ENTHD1: variants seen among roughly 807,000 people sequenced by gnomAD.
ENTHD1 encodes ENTH domain-containing protein 1.
A neutral mutation model predicts 39.1 loss-of-function variants in ENTHD1; 23 were observed. The observed-to-expected ratio is 0.59, with a 90% CI of 0.42 to 0.83. ENTHD1 has a LOEUF of 0.83. Among genes scored for constraint, ENTHD1 ranks in the 40% least tolerant of loss-of-function variants. The pLI, the probability that ENTHD1 is intolerant of heterozygous loss-of-function variation, is 0.00. For synonymous variants in ENTHD1, 230 were observed against 258.2 expected, an observed-to-expected ratio of 0.89 and a Z score of 1.05; for missense variants, 624 against 705.4, an observed-to-expected ratio of 0.88 and a Z score of 1.31.
intron 5 of ENTHD1, among the ~76,000 whole-genome samples, chr22:39,806,089 C>CG (rs2065638298): frequency 6.6e-6 from 1 of 152,138 alleles, no homozygotes. Context: ...TCTAGAAACT[C>CG]GGGGGAAATC....
intron 5 of ENTHD1, among the ~76,000 whole-genome samples, chr22:39,788,110 A>G (rs2065474214): frequency 1.3e-5 from 2 of 152,164 alleles, no homozygotes; most frequent in Admixed American, 6.5e-5. Flanking sequence ...CCATGGATCA[A>G]AAAGTCATTT....
chr22:39,875,326 G>T, intron 2 of ENTHD1: 1 of 1,321,606 alleles, frequency 7.6e-7, no homozygotes, highest in South Asian at 2.2e-5. Flanking sequence ...GCCCGTTCGC[G>T]CCCGTCCTGT....
At chr22:39,836,556 G>A (rs547382856) in intron 3 of ENTHD1, among the ~76,000 whole-genome samples, 2 of 152,206 alleles carry the variant, frequency 1.3e-5, no homozygotes, top group South Asian at 4.1e-4. Context: ...TGTTCTAAGA[G>A]AAACTAATCA....
At chr22:39,876,292 T>C (rs1404241458) in intron 2 of ENTHD1, among the ~76,000 whole-genome samples, 1 of 152,244 alleles carries the variant, frequency 6.6e-6, no homozygotes, top group Non-Finnish European at 1.5e-5. Context: ...AGGCATTCAC[T>C]TAATAAAGCC....
chr22:39,755,684 A>G (rs530516773), intron 6 of ENTHD1, among the ~76,000 whole-genome samples: 1 of 152,272 alleles, frequency 6.6e-6, no homozygotes, highest in African/African-American at 2.4e-5. Context: ...GAGGATTTTG[A>G]GGGTTAGGAT....
At chr22:39,879,555 A>T (rs771605549) in intron 2 of ENTHD1, among the ~76,000 whole-genome samples, 6 of 151,090 alleles carry the variant, frequency 4.0e-5, no homozygotes, top group Non-Finnish European at 8.9e-5. Flanking sequence ...AGACATGCAC[A>T]CTAAAATAAC....
chr22:39,828,444 T>C (rs376819742), intron 4 of ENTHD1, among the ~76,000 whole-genome samples: 1 of 152,206 alleles, frequency 6.6e-6, no homozygotes, highest in Non-Finnish European at 1.5e-5. Flanking sequence ...CTAACAACTT[T>C]GGTGAGATCA....
intron 5 of ENTHD1, among the ~76,000 whole-genome samples, chr22:39,771,070 T>G (rs1157442432): frequency 5.3e-5 from 8 of 152,214 alleles, no homozygotes; most frequent in Admixed American, 5.2e-4. Context: ...AGATTAGGTG[T>G]GCTTAAGCTG....
intron 3 of ENTHD1, among the ~76,000 whole-genome samples, chr22:39,837,898 T>C (rs1322155504): frequency 6.6e-6 from 1 of 152,242 alleles, no homozygotes. Context: ...CATCTGTTTA[T>C]ACATTTATTT....
intron 6 of ENTHD1, among the ~76,000 whole-genome samples, chr22:39,760,876 T>A (rs2146548638): frequency 6.6e-6 from 1 of 152,242 alleles, no homozygotes; most frequent in East Asian, 1.9e-4. Flanking sequence ...TTCAATGGTA[T>A]AATTCCATGA....
In ENTHD1 at chr22:39,863,527, A is replaced by G. The variant is rs563666689; in HGVS notation, c.350-1520T>C. Among the ~76,000 whole-genome samples, 13 of 152,308 alleles carry G rather than the reference A, an allele frequency of 8.5e-5. No individual in the cohort carries two copies. In the South Asian group the frequency reaches 2.1e-3, roughly 24 times the overall value. On this transcript the variant is annotated intron_variant, in intron 2 of 6. Coordinates refer to ENST00000325157, the MANE Select transcript of ENTHD1 (RefSeq NM_152512.4). ...AGTATCTGTATGGTTGAATTCCCAG[A>G]TACAAAGGTACACTGTAACCTATAA...
chr22:39,881,142 T>C (rs1300494705), intron 2 of ENTHD1, among the ~76,000 whole-genome samples: 2 of 152,208 alleles, frequency 1.3e-5, no homozygotes, highest in Non-Finnish European at 2.9e-5. Context: ...TTAGCAAATA[T>C]AGAACAAATT....
intron 6 of ENTHD1, among the ~76,000 whole-genome samples, chr22:39,756,287 GTCTCTCTCTC>G (rs769318998): frequency 1.0e-4 from 15 of 144,426 alleles, no homozygotes; most frequent in Admixed American, 2.7e-4. Flanking sequence ...CAATGTCTCT[GTCTCTCTCTC>G]TCTCTCTCTC....
intron 2 of ENTHD1, among the ~76,000 whole-genome samples, chr22:39,864,823 C>G (rs1231185598): frequency 5.3e-5 from 8 of 152,146 alleles, no homozygotes; most frequent in African/African-American, 1.7e-4. Flanking sequence ...ACCCAGGAGG[C>G]AGAGGTTGCA....
chr22:39,761,742 A>G (rs935918335), intron 6 of ENTHD1, among the ~76,000 whole-genome samples: 1 of 151,396 alleles, frequency 6.6e-6, no homozygotes, highest in Admixed American at 6.6e-5. Flanking sequence ...TTTCATTTCA[A>G]TTATTTATCT....
In ENTHD1 at chr22:39,883,430, G is replaced by A. The variant is rs1365020854; in HGVS notation, c.349+3970C>T. ...AACTTCTTTCATGATAAAAACACTC[G>A]ACAACTAGGAATAGAAGAGAACTTC... On this transcript the variant is annotated intron_variant, in intron 2 of 6. Transcript: ENST00000325157. 2.6e-5 allele frequency among the ~76,000 whole-genome samples: 4 copies of A among 151,774 alleles called. No individual in the cohort carries two copies. The South Asian group carries it at 6.3e-4, about 24-fold the overall frequency.
intron 3 of ENTHD1, among the ~76,000 whole-genome samples, chr22:39,861,083 T>A (rs1273793285): frequency 6.6e-6 from 1 of 152,194 alleles, no homozygotes; most frequent in Non-Finnish European, 1.5e-5. Flanking sequence ...CATACGCACA[T>A]AACTAGACAC....
At chr22:39,792,674 G>A (rs1473293004) in intron 5 of ENTHD1, among the ~76,000 whole-genome samples, 2 of 152,088 alleles carry the variant, frequency 1.3e-5, no homozygotes, top group Non-Finnish European at 2.9e-5. Context: ...CCCAGGAGGT[G>A]CACTAAACTC....
chr22:39,809,837 T>C (rs2146630314), intron 5 of ENTHD1, among the ~76,000 whole-genome samples: 1 of 152,234 alleles, frequency 6.6e-6, no homozygotes, highest in African/African-American at 2.4e-5. Flanking sequence ...GCTTAACTCT[T>C]GGAGACAAGC....
Sources: gnomAD v4.1 joint callset for allele counts (sites outside exome capture counted in the v4.1 genomes callset) on GRCh38, gnomAD v4.1.1 for gene constraint, MANE v1.5 for transcripts, NCBI Gene and HGNC (gene_info 2026-07-23, HGNC 2026-07-21) for gene names.